The following PIK3CB variants were observed in gnomAD, a reference collection of about 807,000 sequenced individuals.
The protein encoded by PIK3CB is phosphatidylinositol 4,5-bisphosphate 3-kinase catalytic subunit beta isoform.
PIK3CB carries 39 observed loss-of-function variants against 136.8 expected under a neutral mutation model. The observed-to-expected ratio is 0.29, with a 90% CI of 0.22 to 0.37. PIK3CB has a LOEUF of 0.37. PIK3CB is among the 10% of genes least tolerant of loss of function. PIK3CB has a pLI of 1.00. For synonymous variants in PIK3CB, 428 were observed against 436.6 expected, an observed-to-expected ratio of 0.98 and a Z score of 0.25; for missense variants, 868 against 1,275.4, an observed-to-expected ratio of 0.68 and a Z score of 4.87.
intron 1 of PIK3CB, among the ~76,000 whole-genome samples, chr3:138,827,473 T>C (rs1376413378): frequency 4.6e-5 from 7 of 151,504 alleles, no homozygotes; most frequent in East Asian, 1.9e-4. Context: ...CTGGGCAACA[T>C]AGCAAGAGCC....
intron 1 of PIK3CB, among the ~76,000 whole-genome samples, chr3:138,822,694 C>G (rs1322661368): frequency 2.0e-5 from 3 of 150,476 alleles, no homozygotes; most frequent in Non-Finnish European, 4.4e-5. Context: ...ATACAAAAAT[C>G]AGCCAGGCGT....
At chr3:138,691,504 CCCTCCATG>C (rs1412967281) in intron 14 of PIK3CB, among the ~76,000 whole-genome samples, 17 of 152,148 alleles carry the variant, frequency 1.1e-4, no homozygotes. Flanking sequence ...ATCAATGTGG[CCCTCCATG>C]CTAGTCTCAT....
intron 1 of PIK3CB, among the ~76,000 whole-genome samples, chr3:138,831,046 G>A (rs1934011220): frequency 6.7e-6 from 1 of 149,928 alleles, no homozygotes. Flanking sequence ...ACTTTGGGAG[G>A]CCAAGGCGGG....
chr3:138,788,141 T>G (rs140637091), intron 2 of PIK3CB, among the ~76,000 whole-genome samples: 1 of 151,492 alleles, frequency 6.6e-6, no homozygotes, highest in African/African-American at 2.4e-5. Flanking sequence ...CAGGCCGGTC[T>G]CTAACTCCTG....
chr3:138,773,211 G>C (rs2045820402), intron 2 of PIK3CB, among the ~76,000 whole-genome samples: 1 of 151,982 alleles, frequency 6.6e-6, no homozygotes, highest in Non-Finnish European at 1.5e-5. Flanking sequence ...GACCAGCCTG[G>C]CCAACATGGT....
At chr3:138,745,016 T>G (rs1044710430) in intron 4 of PIK3CB, among the ~76,000 whole-genome samples, 1 of 152,254 alleles carries the variant, frequency 6.6e-6, no homozygotes, top group Non-Finnish European at 1.5e-5. Context: ...TGTGAAGTCA[T>G]GTACAATATC....
At chr3:138,695,807 T>C (rs529380076) in intron 13 of PIK3CB, among the ~76,000 whole-genome samples, 5 of 152,176 alleles carry the variant, frequency 3.3e-5, no homozygotes, top group African/African-American at 1.2e-4. Context: ...AGTACAATAG[T>C]GCAATCTTGG....
At chr3:138,685,396 C>CAAAAAAAAAAAAAAA (rs398052626) in intron 16 of PIK3CB, among the ~76,000 whole-genome samples, 71 of 58,302 alleles carry the variant, frequency 1.2e-3, no homozygotes, top group African/African-American at 1.8e-3. Context: ...GAAACTGTCT[C>CAAAAAAAAAAAAAAA]AAAAAAAAAA....
At chr3:138,765,345 A>C (rs1002082534) in intron 2 of PIK3CB, among the ~76,000 whole-genome samples, 1 of 152,142 alleles carries the variant, frequency 6.6e-6, no homozygotes, top group Non-Finnish European at 1.5e-5. Context: ...TAGTAGGACA[A>C]TTATATTGGA....
intron 21 of PIK3CB, among the ~76,000 whole-genome samples, chr3:138,663,545 C>T (rs1350502886): frequency 6.6e-6 from 1 of 152,056 alleles, no homozygotes; most frequent in Non-Finnish European, 1.5e-5. Flanking sequence ...CCATGCCTGG[C>T]TAATTTTTAT....
Position 138,681,876 on chromosome 3 carries a change from A to T in PIK3CB, c.2504+91T>A, listed in dbSNP as rs191860078. ...TTATTATGAACAACAACTAAAAATA[A>T]GAACAAGAGGGAAGGAATTAACAAG... On this transcript the variant is annotated intron_variant, in intron 19 of 23. Transcript: ENST00000674063. 4.3e-6 allele frequency: 3 copies of T among 705,428 alleles called. No homozygotes were observed. In the Admixed American group the frequency reaches 8.8e-5, roughly 21 times the overall value. 43.7% of individuals were successfully genotyped at this position (705,428 alleles called of 1,614,324 possible). A position where few individuals can be genotyped will look rare whatever the true frequency, so the allele number is the denominator to read the frequency against.
In PIK3CB at chr3:138,727,095, T is replaced by C. The variant is rs578025169; in HGVS notation, c.1050+6266A>G. Among the ~76,000 whole-genome samples the C allele has an allele frequency of 3.9e-5, 6 of 151,956 alleles. 1 individual carries two copies. Among genetic ancestry groups the C allele is most frequent in the South Asian group, 4.2e-4 (2 of 4,810 alleles). On this transcript the variant is annotated intron_variant, in intron 8 of 23. Transcript: ENST00000674063. Reference sequence around the variant, plus strand: ...AAAGCCCTACAAGGCCAAGGAAAGATTGATCAGGAAGCTATATGCTACAGA... The same window carrying C: ...AAAGCCCTACAAGGCCAAGGAAAGACTGATCAGGAAGCTATATGCTACAGA...
intron 17 of PIK3CB, 122 bp from the exon 18 acceptor site, chr3:138,683,909 T>A (rs1577069054): frequency 1.6e-6 from 1 of 638,556 alleles, no homozygotes; most frequent in East Asian, 2.7e-5. Flanking sequence ...TGCAGAAGAG[T>A]CAGACTTAGA....
In PIK3CB at chr3:138,734,598, T is replaced by C. The variant is rs2045061781; in HGVS notation, c.972+36A>G. The stretch of plus-strand genomic sequence containing the variant: ...ATGTAAACTAACACAATCACATGGC[T>C]TTTGGGGTTACTAAAGGTTCAGAAA... On this transcript the variant is annotated intron_variant, in intron 7 of 23. Transcript: ENST00000674063. 2.7e-6 allele frequency: 4 copies of C among 1,496,156 alleles called. No homozygotes were observed. The East Asian group carries it at 9.2e-5, about 34-fold the overall frequency. 92.7% of individuals were successfully genotyped at this position (1,496,156 alleles called of 1,614,324 possible).
chr3:138,666,299 T>G (rs548277531), intron 19 of PIK3CB, among the ~76,000 whole-genome samples: 1 of 152,238 alleles, frequency 6.6e-6, no homozygotes, highest in Middle Eastern at 3.4e-3. Flanking sequence ...GGCTCTAGAA[T>G]AGCTGGGACT....
intron 2 of PIK3CB, among the ~76,000 whole-genome samples, chr3:138,793,879 T>C (rs561113329): frequency 6.6e-6 from 1 of 152,304 alleles, no homozygotes; most frequent in Admixed American, 6.5e-5. Flanking sequence ...ATTGAAGAAG[T>C]AGGCAGAGCC....
At position 138,726,730 on chromosome 3, in the gene PIK3CB, A is replaced by G. The variant is rs1048834601; in HGVS notation, c.1050+6631T>C. Among the ~76,000 whole-genome samples the G allele has an allele frequency of 5.9e-5, 9 of 152,212 alleles. No individual in the cohort carries two copies. In the East Asian group the frequency reaches 1.7e-3, roughly 29 times the overall value. On this transcript the variant is annotated intron_variant, in intron 8 of 23. Transcript: ENST00000674063. ...TTCTGCTGAATATTAATTAAGATGT[A>G]CACATGAAAGAGGAAAACACTACAA... is the stretch of plus-strand genomic sequence containing the variant.
At chr3:138,702,167 G>C (rs1021679417) in intron 12 of PIK3CB, among the ~76,000 whole-genome samples, 7 of 150,284 alleles carry the variant, frequency 4.7e-5, no homozygotes, top group African/African-American at 1.7e-4. Context: ...AACTTCCCAG[G>C]CTCAAGCTAT....
At chr3:138,763,806 G>A (rs557850006) in intron 2 of PIK3CB, among the ~76,000 whole-genome samples, 1 of 152,198 alleles carries the variant, frequency 6.6e-6, no homozygotes, top group African/African-American at 2.4e-5. Context: ...ATGCATTAAG[G>A]TAGATACAAA....
Sources: gnomAD v4.1 joint callset for allele counts (sites outside exome capture counted in the v4.1 genomes callset) on GRCh38, gnomAD v4.1.1 for gene constraint, MANE v1.5 for transcripts, NCBI Gene and HGNC (gene_info 2026-07-23, HGNC 2026-07-21) for gene names.